CDK13: variants seen among roughly 807,000 people sequenced by gnomAD.
CDK13 encodes the protein cyclin dependent kinase 13, also known as cyclin-dependent kinase 13.
CDK13 carries 40 observed loss-of-function variants against 137.6 expected under a neutral mutation model. The observed-to-expected ratio is 0.29, with a 90% confidence interval of 0.23 to 0.38. CDK13 has a LOEUF of 0.38. Among genes scored for constraint, CDK13 ranks in the 10% least tolerant of loss-of-function variants. The pLI is 1.00. For missense variants in CDK13, 1,704 were observed against 1,951.8 expected (o/e 0.87, Z 2.39); for synonymous variants, 869 against 760.1 (o/e 1.14, Z -2.36).
At position 40,084,609 on chromosome 7, in the gene CDK13, A is replaced by G. The variant is rs947292731; in HGVS notation, c.3030-3517A>G. 2.0e-5 allele frequency among the ~76,000 whole-genome samples: 3 copies of G among 152,264 alleles called. No individual in the cohort carries two copies. The South Asian group carries it at 6.2e-4, about 31-fold the overall frequency. ...GTAAGCTTTCTTTAACAGCAAGTAAAAAGCATTAAGCCATTTATAAGACAA... is the reference window on the plus strand; with the variant it reads ...GTAAGCTTTCTTTAACAGCAAGTAAGAAGCATTAAGCCATTTATAAGACAA... On this transcript the variant is annotated intron_variant, in intron 11 of 13. Coordinates refer to ENST00000181839, the MANE Select transcript of CDK13 (RefSeq NM_003718.5).
At chr7:40,037,235 G>C (rs1562741919) in intron 5 of CDK13, among the ~76,000 whole-genome samples, 1 of 152,114 alleles carries the variant, frequency 6.6e-6, no homozygotes. Flanking sequence ...AGTTTCTGTG[G>C]GCAGGAATTT....
intron 5 of CDK13, among the ~76,000 whole-genome samples, chr7:40,003,732 C>T (rs571334319): frequency 1.9e-4 from 29 of 152,220 alleles, no homozygotes; most frequent in African/African-American, 5.8e-4. Flanking sequence ...GTGAGATCAC[C>T]TCCCTGCCTA....
intron 5 of CDK13, among the ~76,000 whole-genome samples, chr7:40,005,509 C>A (rs1448084438): frequency 6.6e-6 from 1 of 152,058 alleles, no homozygotes; most frequent in African/African-American, 2.4e-5. Flanking sequence ...GTTGGCCAGG[C>A]TGGTCTGGAA....
chr7:39,989,110 A>AAAAG (rs1562714944), intron 2 of CDK13, among the ~76,000 whole-genome samples: 1 of 98,406 alleles, frequency 1.0e-5, no homozygotes, highest in African/African-American at 5.7e-5. Flanking sequence ...AAAAAAAAAA[A>AAAAG]AGAGAAAATT....
chr7:39,989,670 A>C (rs551677503), intron 2 of CDK13, among the ~76,000 whole-genome samples: 1 of 152,162 alleles, frequency 6.6e-6, no homozygotes, highest in Non-Finnish European at 1.5e-5. Flanking sequence ...AAGGTTCATA[A>C]CAGTAGTGAT....
At chr7:40,046,724 C>T (rs1003168860) in intron 6 of CDK13, among the ~76,000 whole-genome samples, 3 of 151,346 alleles carry the variant, frequency 2.0e-5, no homozygotes, top group African/African-American at 7.3e-5. Flanking sequence ...TGTTAGTGGC[C>T]GGGTGGGGCA....
chr7:40,059,173 T>C (rs1324580426), intron 7 of CDK13: 14 of 152,174 alleles, frequency 9.2e-5, no homozygotes, highest in African/African-American at 2.9e-4. Context: ...TGTTTTTCTA[T>C]ATATATCTAG....
chr7:40,074,033 C>T (rs1245271655), intron 9 of CDK13, among the ~76,000 whole-genome samples: 1 of 151,748 alleles, frequency 6.6e-6, no homozygotes, highest in East Asian at 2.0e-4. Flanking sequence ...TCCCAAGTAG[C>T]TGGGATTACA....
chr7:40,078,261 G>T, intron 10 of CDK13, 140 bp downstream of exon 10: 1 of 450,660 alleles, frequency 2.2e-6, no homozygotes. Flanking sequence ...AGTTCTGTTT[G>T]CTACATGCAG....
chr7:40,054,820 C>T (rs1785975479), intron 7 of CDK13, among the ~76,000 whole-genome samples: 1 of 152,158 alleles, frequency 6.6e-6, no homozygotes, highest in Admixed American at 6.5e-5. Flanking sequence ...GTGTTACTTT[C>T]CTGGCAGACA....
chr7:40,088,950 C>T (rs1786852681), intron 12 of CDK13, among the ~76,000 whole-genome samples: 1 of 152,044 alleles, frequency 6.6e-6, no homozygotes, highest in African/African-American at 2.4e-5. Context: ...CGTGGTGGCA[C>T]ACACCTGTAA....
intron 1 of CDK13, among the ~76,000 whole-genome samples, chr7:39,969,005 T>G (rs989714601): frequency 6.6e-5 from 10 of 152,168 alleles, no homozygotes; most frequent in Non-Finnish European, 1.0e-4. Flanking sequence ...AGGTGGGTTT[T>G]TTTGTTTGTT....
intron 7 of CDK13, among the ~76,000 whole-genome samples, chr7:40,054,401 T>A (rs1372587334): frequency 6.6e-6 from 1 of 152,144 alleles, no homozygotes; most frequent in Non-Finnish European, 1.5e-5. Context: ...TTACCTGTAA[T>A]TTTTCCCATG....
intron 7 of CDK13, among the ~76,000 whole-genome samples, chr7:40,050,821 CTG>C (rs940652222): frequency 4.6e-5 from 7 of 152,282 alleles, no homozygotes; most frequent in African/African-American, 1.2e-4. Flanking sequence ...AAGTTTGTGT[CTG>C]TTGTTAATTA....
intron 1 of CDK13, among the ~76,000 whole-genome samples, chr7:39,980,578 A>G (rs1784202409): frequency 6.6e-6 from 1 of 152,194 alleles, no homozygotes. Flanking sequence ...AGCATGAGAA[A>G]TAAGCAGAGT....
rs1018137154 is a variant in CDK13 at position 40,012,921 on chromosome 7, A to G, written c.2353+10890A>G. On this transcript the variant is annotated intron_variant, in intron 5 of 13. Transcript: ENST00000181839. ...AGTGAGACTCTGTGTCAAAAAAAAAAAAAAAAAGGGAAACAGCATTTCCAA... is the reference window on the plus strand; with the variant it reads ...AGTGAGACTCTGTGTCAAAAAAAAAGAAAAAAAGGGAAACAGCATTTCCAA... Among the ~76,000 whole-genome samples the G allele has an allele frequency of 2.9e-3, 446 of 152,228 alleles. 4 individuals carry two copies. The highest frequency in any genetic ancestry group is 0.011 in the African/African-American group (437 of 41,530).
At chr7:39,983,529 T>C (rs1784274061) in intron 1 of CDK13, among the ~76,000 whole-genome samples, 1 of 152,264 alleles carries the variant, frequency 6.6e-6, no homozygotes, top group Non-Finnish European at 1.5e-5. Context: ...GTTGGGATTT[T>C]ACCTATTATC....
intron 1 of CDK13, among the ~76,000 whole-genome samples, chr7:39,976,323 T>TCTCTCTCTTTCTCTCTCACA: frequency 5.1e-5 from 2 of 39,584 alleles, no homozygotes; most frequent in Admixed American, 3.2e-4. Context: ...TCTCTCTCTC[T>TCTCTCTCTTTCTCTCTCACA]CACACACACA....
chr7:39,995,297 T>C lies in CDK13; in HGVS notation c.1872-2197T>C, dbSNP rs540071599. Among the ~76,000 whole-genome samples the C allele has an allele frequency of 3.3e-5, 5 of 152,326 alleles. No individual in the cohort carries two copies. The South Asian group carries it at 1.0e-3, about 32-fold the overall frequency. ...TAAATTATAAGTGAAATTAAGACTT[T>C]AGTTTTTTGCTCTAAAAAATGTTGA... On this transcript the variant is annotated intron_variant, in intron 2 of 13. Coordinates refer to ENST00000181839, the MANE Select transcript of CDK13 (RefSeq NM_003718.5).
Sources: gnomAD v4.1 joint callset for allele counts (sites outside exome capture counted in the v4.1 genomes callset) on GRCh38, gnomAD v4.1.1 for gene constraint, MANE v1.5 for transcripts, NCBI Gene and HGNC (gene_info 2026-07-23, HGNC 2026-07-21) for gene names.